The following SORCS3 variants were observed in gnomAD, a reference collection of about 807,000 sequenced individuals.
SORCS3 encodes VPS10 domain-containing receptor SorCS3.
SORCS3 carries 57 observed loss-of-function variants against 146.3 expected under a neutral mutation model. The ratio of observed to expected loss-of-function variants is 0.39; its 90% CI spans 0.31 to 0.49. SORCS3 has a LOEUF of 0.49. Ranked by LOEUF, SORCS3 falls within the 20% of genes least tolerant of loss-of-function variation. The pLI is 0.92. For missense variants in SORCS3, 1,341 were observed against 1,575.5 expected, an observed-to-expected ratio of 0.85 and a Z score of 2.52; for synonymous variants, 653 against 618.5, an observed-to-expected ratio of 1.06 and a Z score of -0.83.
chr10:104,680,188 A>T (rs1564657330), intron 1 of SORCS3, among the ~76,000 whole-genome samples: 1 of 152,234 alleles, frequency 6.6e-6, no homozygotes, highest in Non-Finnish European at 1.5e-5. Flanking sequence ...AGACTAGAAC[A>T]GGGACCCCAA....
intron 4 of SORCS3, among the ~76,000 whole-genome samples, chr10:104,995,685 G>A (rs1430746771): frequency 6.6e-6 from 1 of 152,102 alleles, no homozygotes; most frequent in Non-Finnish European, 1.5e-5. Context: ...GTGATTTACG[G>A]TGCTTTCTCC....
intron 1 of SORCS3, among the ~76,000 whole-genome samples, chr10:104,764,553 C>T (rs1415741902): frequency 1.3e-5 from 2 of 152,176 alleles, no homozygotes; most frequent in Admixed American, 6.5e-5. Context: ...TTCTGAGGTG[C>T]CCAGCTGCCT....
At chr10:105,069,592 G>A (rs990636778) in intron 5 of SORCS3, among the ~76,000 whole-genome samples, 2 of 152,156 alleles carry the variant, frequency 1.3e-5, no homozygotes, top group East Asian at 3.9e-4. Context: ...TTCAGACAGT[G>A]CTTGGCTCTG....
chr10:104,773,460 T>G (rs2017274575), intron 1 of SORCS3, among the ~76,000 whole-genome samples: 1 of 152,222 alleles, frequency 6.6e-6, no homozygotes, highest in Non-Finnish European at 1.5e-5. Context: ...ATGATGAGAA[T>G]ATTTACACTA....
At chr10:105,076,744 T>C (rs2055591877) in intron 5 of SORCS3, among the ~76,000 whole-genome samples, 1 of 152,236 alleles carries the variant, frequency 6.6e-6, no homozygotes, top group Non-Finnish European at 1.5e-5. Context: ...AAATGGGCCA[T>C]GTGGTAGGCT....
chr10:105,220,853 T>G (rs992291435), intron 19 of SORCS3, among the ~76,000 whole-genome samples: 1 of 149,982 alleles, frequency 6.7e-6, no homozygotes, highest in Admixed American at 6.7e-5. Flanking sequence ...CCACATCTAG[T>G]GCCTTTTTAC....
intron 1 of SORCS3, among the ~76,000 whole-genome samples, chr10:104,763,274 TAA>T (rs1048380631): frequency 1.3e-5 from 2 of 152,178 alleles, no homozygotes; most frequent in African/African-American, 4.8e-5. Context: ...TTATGAAAAC[TAA>T]AGACAGTTAT....
chr10:104,694,336 G>A (rs2016149070), intron 1 of SORCS3, among the ~76,000 whole-genome samples: 1 of 151,446 alleles, frequency 6.6e-6, no homozygotes. Context: ...GGAAGCAGAT[G>A]GTTCAAATCC....
At chr10:105,074,140 C>G (rs2055574369) in intron 5 of SORCS3, among the ~76,000 whole-genome samples, 1 of 152,184 alleles carries the variant, frequency 6.6e-6, no homozygotes, top group East Asian at 1.9e-4. Context: ...CAGAGTAGGT[C>G]ATTCATACAT....
At chr10:104,703,713 T>TG (rs2016306158) in intron 1 of SORCS3, among the ~76,000 whole-genome samples, 2 of 84,720 alleles carry the variant, frequency 2.4e-5, no homozygotes, top group South Asian at 6.1e-4. Flanking sequence ...TGTATCCTGT[T>TG]TTTTTTTTTT....
intron 1 of SORCS3, among the ~76,000 whole-genome samples, chr10:104,738,164 G>A (rs2016798852): frequency 6.6e-6 from 1 of 152,202 alleles, no homozygotes; most frequent in Non-Finnish European, 1.5e-5. Flanking sequence ...GGTTACTGTA[G>A]CCTTGTAGTA....
chr10:104,889,442 CT>C (rs1327326008), intron 2 of SORCS3, among the ~76,000 whole-genome samples: 1 of 140,512 alleles, frequency 7.1e-6, no homozygotes, highest in Non-Finnish European at 1.5e-5. Flanking sequence ...ATTTTCCCTC[CT>C]TTTGGATGGT....
At chr10:104,653,920 G>A (rs2015593387) in intron 1 of SORCS3, among the ~76,000 whole-genome samples, 1 of 151,636 alleles carries the variant, frequency 6.6e-6, no homozygotes, top group African/African-American at 2.4e-5. Flanking sequence ...TTTATTTTTT[G>A]TACCCATTAA....
intron 3 of SORCS3, among the ~76,000 whole-genome samples, chr10:104,930,170 T>C (rs1374899571): frequency 4.6e-5 from 7 of 152,022 alleles, no homozygotes; most frequent in African/African-American, 1.7e-4. Context: ...ATTGCTAACA[T>C]TGTGCATTGT....
chr10:104,729,655 G>A (rs2016683789), intron 1 of SORCS3, among the ~76,000 whole-genome samples: 1 of 152,208 alleles, frequency 6.6e-6, no homozygotes, highest in Non-Finnish European at 1.5e-5. Context: ...TGATAGGGAG[G>A]TTTGGCGTAT....
intron 1 of SORCS3, among the ~76,000 whole-genome samples, chr10:104,786,181 G>T (rs2017433482): frequency 6.6e-6 from 1 of 151,144 alleles, no homozygotes; most frequent in Admixed American, 6.6e-5. Context: ...TATATGTCAA[G>T]TTCTGTTTTA....
chr10:104,802,175 G>A (rs2017631265), intron 1 of SORCS3, among the ~76,000 whole-genome samples: 1 of 152,156 alleles, frequency 6.6e-6, no homozygotes, highest in Non-Finnish European at 1.5e-5. Context: ...TTTAACAACG[G>A]TTTTGCAAAG....
chr10:105,128,224 G>T (rs1429687269), intron 7 of SORCS3, among the ~76,000 whole-genome samples: 3 of 152,148 alleles, frequency 2.0e-5, no homozygotes, highest in African/African-American at 7.2e-5. Flanking sequence ...GACCCGGAGA[G>T]CATGATGGGG....
Position 104,714,046 on chromosome 10 carries a change from C to G in SORCS3, c.627+72092C>G, listed in dbSNP as rs1344277586. Among the ~76,000 whole-genome samples the G allele has an allele frequency of 5.3e-5, 8 of 152,212 alleles. No individual in the cohort carries two copies. The East Asian group carries it at 1.5e-3, about 29-fold the overall frequency. ...GTATCAAATTTGTAAGCATAGTTAT[C>G]TGTAGTAGTAATTTATTATCCTTTT... On this transcript the variant is annotated intron_variant, in intron 1 of 26. Coordinates refer to ENST00000369701, the MANE Select transcript of SORCS3 (RefSeq NM_014978.3).
Sources: gnomAD v4.1 joint callset for allele counts (sites outside exome capture counted in the v4.1 genomes callset) on GRCh38, gnomAD v4.1.1 for gene constraint, MANE v1.5 for transcripts, NCBI Gene and HGNC (gene_info 2026-07-23, HGNC 2026-07-21) for gene names.